Variants in PIEZO2 observed in about 807,000 individuals in gnomAD.
PIEZO2 encodes piezo type mechanosensitive ion channel component 2.
PIEZO2 carries 172 observed loss-of-function variants against 337.3 expected under a neutral mutation model. The ratio of observed to expected loss-of-function variants is 0.51; its 90% CI spans 0.45 to 0.58. PIEZO2 has a LOEUF of 0.58. PIEZO2 is among the 20% of genes least tolerant of loss of function. The pLI is 0.00. For missense variants in PIEZO2, 3,028 were observed against 3,391.3 expected (o/e 0.89, Z 2.66); for synonymous variants, 1,251 against 1,228.5 (o/e 1.02, Z -0.38).
In PIEZO2 at chr18:10,759,699, G is replaced by A. The variant is rs2038041104; in HGVS notation, c.3655+6C>T. 6.5e-7 allele frequency: 1 copy of A among 1,537,244 alleles called. No homozygotes were observed. Among genetic ancestry groups the A allele is most frequent in the Non-Finnish European group, 8.7e-7 (1 of 1,146,892 alleles). On this transcript the variant is annotated splice_donor_region_variant and intron_variant, in intron 25 of 55. Transcript: ENST00000674853. This position sits in a 1 kb window ranked among gnomAD's most constrained non-coding sequence, Gnocchi z 5.5. ...AGTAGACGGCTCAAGGGAAGGGCAG[G>A]CTCACCTCGGCAAGGAGCAGGTGGG...
In PIEZO2 at chr18:10,969,391, AGACGGGCGT is replaced by A. The variant is rs1465911986; in HGVS notation, c.286+10135_286+10143del. Among the ~76,000 whole-genome samples, 1 of 152,102 alleles carries A rather than the reference AGACGGGCGT, an allele frequency of 6.6e-6. No individual in the cohort carries two copies. The highest frequency in any genetic ancestry group is 1.5e-5 in the Non-Finnish European group (1 of 68,024). On this transcript the variant is annotated intron_variant, in intron 3 of 55. Transcript: ENST00000674853. The surrounding 1 kb of genome is among the most constrained non-coding windows in gnomAD (Gnocchi z 4.5). ...AGGACTGGTCGGCATGGTGGGGAGC[AGACGGGCGT>A]GAGGATCATGACTCCCTGTTACTCA... is the stretch of plus-strand genomic sequence containing the variant.
chr18:10,917,058 C>T (rs1316535442), intron 3 of PIEZO2, among the ~76,000 whole-genome samples: 5 of 152,150 alleles, frequency 3.3e-5, no homozygotes, highest in Non-Finnish European at 5.9e-5. Context: ...CCTGAGAATT[C>T]TCCTGTGTTG....
rs185769419 is a variant in PIEZO2, at chr18:10,672,592, A to G, written c.8345+98T>C. On this transcript the variant is annotated intron_variant, in intron 55 of 55. Coordinates refer to ENST00000674853, the MANE Select transcript of PIEZO2 (RefSeq NM_001378183.1). The surrounding 1 kb of genome is among the most constrained non-coding windows in gnomAD (Gnocchi z 4.7). The stretch of plus-strand genomic sequence containing the variant: ...TGCATTTTAATACTGCAGCTCTAAA[A>G]TTAGCGAATTCTAAGAAGATAAAAG... The G allele has an allele frequency of 5.8e-3, 7,860 of 1,344,790 alleles. 89 individuals are homozygous for G. The highest frequency in any genetic ancestry group is 0.012 in the South Asian group (939 of 75,608). 83.3% of individuals were successfully genotyped at this position (1,344,790 alleles called of 1,614,324 possible).
Position 10,671,062 on chromosome 18 carries a change from T to G in PIEZO2, c.*465A>C, listed in dbSNP as rs61057640. The G allele has an allele frequency of 6.5e-6, 1 of 153,606 alleles. No homozygotes were observed. The highest frequency in any genetic ancestry group is 1.5e-5 in the Non-Finnish European group (1 of 68,814). 9.5% of individuals were successfully genotyped at this position (153,606 alleles called of 1,614,324 possible). On this transcript the variant is annotated 3_prime_UTR_variant, in exon 56 of 56. Transcript: ENST00000674853. ...GGAGCTGTCTGCCCCCTATTGCTGT[T>G]GCATTTTCTGAGTGTGTTGAAGGCT...
In PIEZO2 at chr18:11,128,416, T is replaced by C. The variant is rs1480754083; in HGVS notation, c.64+20109A>G. 6.6e-6 allele frequency among the ~76,000 whole-genome samples: 1 copy of C among 152,100 alleles called. No individual in the cohort carries two copies. Among genetic ancestry groups the C allele is most frequent in the Non-Finnish European group, 1.5e-5 (1 of 68,010 alleles). ...GGTGTCTACTGTTAAAGTGAGGGCA[T>C]TGATTGAAAAAGAATGGGACCCTGC... is the stretch of plus-strand genomic sequence containing the variant. On this transcript the variant is annotated intron_variant, in intron 1 of 55. Coordinates refer to ENST00000674853, the MANE Select transcript of PIEZO2 (RefSeq NM_001378183.1). This position sits in a 1 kb window ranked among gnomAD's most constrained non-coding sequence, Gnocchi z 4.1.
At chr18:10,692,045 A>G (rs1278332081) in intron 47 of PIEZO2, among the ~76,000 whole-genome samples, 1 of 151,810 alleles carries the variant, frequency 6.6e-6, no homozygotes, top group Non-Finnish European at 1.5e-5. Context: ...TAACTCCATG[A>G]CCTGATGTTT....
chr18:10,765,522 G>T (rs1300022209), intron 21 of PIEZO2, among the ~76,000 whole-genome samples: 2 of 152,140 alleles, frequency 1.3e-5, no homozygotes, highest in Non-Finnish European at 2.9e-5. Flanking sequence ...CCGCATTGTG[G>T]AATACGTATT....
chr18:10,678,400 G>A (rs7242666), intron 52 of PIEZO2, among the ~76,000 whole-genome samples: 20,418 of 152,066 alleles, frequency 0.13, 1,672 homozygotes, highest in Non-Finnish European at 0.18. Flanking sequence ...GGAGAAAATG[G>A]GATTGAAGGA....
chr18:10,689,857 T>C, intron 48 of PIEZO2, 55 bp from the exon 49 acceptor site: 1 of 1,554,456 alleles, frequency 6.4e-7, no homozygotes, highest in Non-Finnish European at 8.7e-7. Flanking sequence ...CCCACCACCC[T>C]GCTCACCCAG....
chr18:10,808,303 G>C (rs1598511406), intron 7 of PIEZO2, among the ~76,000 whole-genome samples: 2 of 152,260 alleles, frequency 1.3e-5, no homozygotes, highest in East Asian at 3.9e-4. Flanking sequence ...TGTTGCCCAG[G>C]CTGGTCTCGA....
In PIEZO2 at chr18:11,032,120, T is replaced by A. The variant is rs939546191; in HGVS notation, c.160+34007A>T. 5.3e-4 allele frequency among the ~76,000 whole-genome samples: 80 copies of A among 152,186 alleles called. No individual in the cohort carries two copies. The highest frequency in any genetic ancestry group is 5.1e-4 in the Non-Finnish European group (35 of 68,036). On this transcript the variant is annotated intron_variant, in intron 2 of 55. Transcript: ENST00000674853. This position sits in a 1 kb window ranked among gnomAD's most constrained non-coding sequence, Gnocchi z 4.9. ...GTGCTACATGGCCCCAATCATGCTA[T>A]TTGAATTGAGTAACAAACTATGAAG... is the stretch of plus-strand genomic sequence containing the variant.
rs994287064 is a variant in PIEZO2, at chr18:11,128,800, C to T, written c.64+19725G>A. 1.2e-4 allele frequency among the ~76,000 whole-genome samples: 19 copies of T among 152,236 alleles called. No individual in the cohort carries two copies. Among genetic ancestry groups the T allele is most frequent in the African/African-American group, 3.9e-4 (16 of 41,520 alleles). ...GTGACCCATGAGGAGGTGCACTACA[C>T]TCAAAAAGAACTGTTTGAGTTCTCT... On this transcript the variant is annotated intron_variant, in intron 1 of 55. Coordinates refer to ENST00000674853, the MANE Select transcript of PIEZO2 (RefSeq NM_001378183.1). This position sits in a 1 kb window ranked among gnomAD's most constrained non-coding sequence, Gnocchi z 4.1.
intron 4 of PIEZO2, among the ~76,000 whole-genome samples, chr18:10,909,239 T>C (rs1009486560): frequency 2.6e-5 from 4 of 152,082 alleles, no homozygotes; most frequent in African/African-American, 9.7e-5. Flanking sequence ...TAACAAACAA[T>C]ATTGCAAACA....
Position 10,838,894 on chromosome 18 carries a change from A to G in PIEZO2, c.917+16459T>C, listed in dbSNP as rs577881998. ...GTAAGCCAGGCAACCTCCCCTCCCTATCAAGAAGCCCAAGATGAGAGGTCA... is the reference window on the plus strand; with the variant it reads ...GTAAGCCAGGCAACCTCCCCTCCCTGTCAAGAAGCCCAAGATGAGAGGTCA... On this transcript the variant is annotated intron_variant, in intron 7 of 55. Transcript: ENST00000674853. Among the ~76,000 whole-genome samples, 4 of 152,300 alleles carry G rather than the reference A, an allele frequency of 2.6e-5. 1 individual carries two copies. Among genetic ancestry groups the G allele is most frequent in the African/African-American group, 9.6e-5 (4 of 41,566 alleles).
intron 3 of PIEZO2, among the ~76,000 whole-genome samples, chr18:10,964,259 G>C (rs1255694585): frequency 6.6e-6 from 1 of 152,002 alleles, no homozygotes; most frequent in Non-Finnish European, 1.5e-5. Flanking sequence ...AAAAAATAGA[G>C]TACAATACAT....
chr18:11,138,691 G>T (rs1437334488), intron 1 of PIEZO2, among the ~76,000 whole-genome samples: 1 of 152,180 alleles, frequency 6.6e-6, no homozygotes, highest in African/African-American at 2.4e-5. Flanking sequence ...TGAACCTACA[G>T]ACACATAGAA....
intron 37 of PIEZO2, among the ~76,000 whole-genome samples, chr18:10,717,037 T>C (rs553302355): frequency 6.6e-6 from 1 of 152,134 alleles, no homozygotes; most frequent in Non-Finnish European, 1.5e-5. Flanking sequence ...GCACAGTGGT[T>C]AAGAGCACAC....
At chr18:10,928,994 A>G (rs1348243611) in intron 3 of PIEZO2, among the ~76,000 whole-genome samples, 1 of 152,176 alleles carries the variant, frequency 6.6e-6, no homozygotes, top group Admixed American at 6.5e-5. Context: ...AAATGCATTA[A>G]CAGGAGAGAG....
At chr18:10,886,487 C>CATATATATATATATATATATAAAA in intron 4 of PIEZO2, among the ~76,000 whole-genome samples, 11 of 45,882 alleles carry the variant, frequency 2.4e-4, no homozygotes, top group African/African-American at 1.2e-3. Context: ...ATATCCAAAC[C>CATATATATATATATATATATAAAA]ATATATATAT....
Sources: gnomAD v4.1 joint callset for allele counts (sites outside exome capture counted in the v4.1 genomes callset) on GRCh38, gnomAD v4.1.1 for gene constraint, Gnocchi (gnomAD v3.1) non-coding constraint, MANE v1.5 for transcripts, NCBI Gene and HGNC (gene_info 2026-07-23, HGNC 2026-07-21) for gene names.